The following AFF3 variants were observed in gnomAD, a reference collection of about 807,000 sequenced individuals.
AFF3 encodes the protein ALF transcription elongation factor 3.
In AFF3, 32 loss-of-function variants were observed where a neutral mutation model predicts 129.7. That is an observed-to-expected ratio of 0.25 (90% CI 0.19 to 0.33). The LOEUF (loss-of-function observed/expected upper bound fraction) is 0.33, where lower values mean the gene tolerates loss of function less well. Ranked by LOEUF, AFF3 falls within the 10% of genes least tolerant of loss-of-function variation. The pLI is 1.00. For missense variants in AFF3, 1,373 were observed against 1,592.0 expected (o/e 0.86, Z 2.34); for synonymous variants, 644 against 635.4 (o/e 1.01, Z -0.20).
intron 12 of AFF3, among the ~76,000 whole-genome samples, chr2:99,655,485 G>A (rs115802778): frequency 0.011 from 1,691 of 152,288 alleles, 40 homozygotes; most frequent in African/African-American, 0.039. Flanking sequence ...TGGGAGCAAA[G>A]GCCAGGAGCT....
chr2:99,647,767 A>G (rs10514777), intron 13 of AFF3, among the ~76,000 whole-genome samples: 22,536 of 152,266 alleles, frequency 0.15, 2,089 homozygotes, highest in South Asian at 0.25. Flanking sequence ...TCTGAATAGA[A>G]AAAGTGCTAC....
intron 22 of AFF3, among the ~76,000 whole-genome samples, chr2:99,555,209 CCTTA>C (rs1262546982): frequency 6.6e-6 from 1 of 151,984 alleles, no homozygotes; most frequent in Non-Finnish European, 1.5e-5. Context: ...CTTGAAGCAG[CCTTA>C]CTTTTTCATT....
chr2:99,627,472 A>G (rs939323636), intron 13 of AFF3, among the ~76,000 whole-genome samples: 1 of 152,184 alleles, frequency 6.6e-6, no homozygotes, highest in African/African-American at 2.4e-5. Context: ...GCTGGATATT[A>G]GAGCTTTGTC....
chr2:99,925,511 T>C (rs1377545385), intron 7 of AFF3, among the ~76,000 whole-genome samples: 3 of 152,206 alleles, frequency 2.0e-5, no homozygotes, highest in African/African-American at 7.2e-5. Context: ...CATGGCACAG[T>C]GCCTGGCACA....
Position 99,881,310 on chromosome 2 carries a change from T to C in AFF3, c.874-43786A>G, listed in dbSNP as rs189371589. The stretch of plus-strand genomic sequence containing the variant: ...CAGAGATTGTCTTTTGTTCAGGAAG[T>C]ATATTTTATTCTCCTGCCTCATCAT... On this transcript the variant is annotated intron_variant, in intron 7 of 24. Coordinates refer to ENST00000672756, the MANE Select transcript of AFF3 (RefSeq NM_001386135.1). 2.2e-3 allele frequency among the ~76,000 whole-genome samples: 340 copies of C among 152,144 alleles called. 2 individuals are homozygous for C. Among genetic ancestry groups the C allele is most frequent in the Admixed American group, 0.012 (183 of 15,276 alleles).
intron 13 of AFF3, among the ~76,000 whole-genome samples, chr2:99,649,385 T>G (rs1242495640): frequency 2.0e-5 from 3 of 152,168 alleles, no homozygotes; most frequent in Non-Finnish European, 4.4e-5. Context: ...CTCTCTAAGT[T>G]TCTTGTCTCT....
intron 7 of AFF3, among the ~76,000 whole-genome samples, chr2:99,995,831 A>T (rs1036235645): frequency 2.6e-5 from 4 of 152,362 alleles, no homozygotes; most frequent in Non-Finnish European, 5.9e-5. Flanking sequence ...ATTAGGAAAG[A>T]TTGATTTTCT....
At chr2:99,881,249 C>A (rs1397293899) in intron 7 of AFF3, among the ~76,000 whole-genome samples, 1 of 152,054 alleles carries the variant, frequency 6.6e-6, no homozygotes, top group Non-Finnish European at 1.5e-5. Context: ...CCACTTCTGA[C>A]AAATGTAAGT....
rs1688561688 is a variant in AFF3 at position 100,075,997 on chromosome 2, T to C, written c.53+28405A>G. ...AGTGTCTCTCTGCCATTCCAGGTAG[T>C]GTTAAATCTGGTTTGTGGACAGGTT... On this transcript the variant is annotated intron_variant, in intron 4 of 24. Transcript: ENST00000672756. Among the ~76,000 whole-genome samples the C allele has an allele frequency of 3.3e-5, 5 of 152,222 alleles. No homozygotes were observed. In the South Asian group the frequency reaches 1.0e-3, roughly 32 times the overall value.
intron 13 of AFF3, among the ~76,000 whole-genome samples, chr2:99,636,394 T>C (rs984208260): frequency 6.6e-6 from 1 of 151,922 alleles, no homozygotes; most frequent in African/African-American, 2.4e-5. Context: ...GTCTGTGAAA[T>C]AGAAAAAGGG....
At chr2:99,767,899 T>C (rs1011541060) in intron 8 of AFF3, among the ~76,000 whole-genome samples, 1 of 152,166 alleles carries the variant, frequency 6.6e-6, no homozygotes, top group African/African-American at 2.4e-5. Context: ...GAGCTGAGAT[T>C]GCGCCATTGC....
Position 99,910,782 on chromosome 2 carries a change from C to T in AFF3, c.874-73258G>A, listed in dbSNP as rs10193926. 2.5e-3 allele frequency among the ~76,000 whole-genome samples: 386 copies of T among 152,346 alleles called. 2 individuals are homozygous for T. Among genetic ancestry groups the T allele is most frequent in the African/African-American group, 8.9e-3 (372 of 41,582 alleles). The stretch of plus-strand genomic sequence containing the variant: ...GAATTTTAACAAGTCACCTTACATT[C>T]TTTTCTAAAGAAGGACATAAGAATA... On this transcript the variant is annotated intron_variant, in intron 7 of 24. Transcript: ENST00000672756.
At chr2:99,552,005 G>A (rs1674455650) in intron 24 of AFF3, among the ~76,000 whole-genome samples, 1 of 152,144 alleles carries the variant, frequency 6.6e-6, no homozygotes, top group African/African-American at 2.4e-5. Context: ...AGGTTCCTGG[G>A]GGCAAATCAG....
chr2:99,966,689 CAAAAAAAAAAAAAAAAAAAAAAAAA>C (rs61351679), intron 7 of AFF3, among the ~76,000 whole-genome samples: 1 of 36,684 alleles, frequency 2.7e-5, no homozygotes, highest in African/African-American at 7.2e-5. Flanking sequence ...GACTCCGTCT[CAAAAAAAAAAAAAAAAAAAAAAAAA>C]AAAAAAAAGA....
chr2:100,040,602 C>T (rs62149341), intron 4 of AFF3, among the ~76,000 whole-genome samples: 15,253 of 152,168 alleles, frequency 0.1, 1,080 homozygotes, highest in Non-Finnish European at 0.14. Context: ...GTTGAAGGAG[C>T]GACCAGGGCT....
At chr2:99,692,859 T>A (rs1675816282) in intron 11 of AFF3, among the ~76,000 whole-genome samples, 1 of 152,248 alleles carries the variant, frequency 6.6e-6, no homozygotes. Flanking sequence ...AGTCTTAAGC[T>A]GTATCAGCTT....
rs74906728 is a variant in AFF3, at chr2:99,549,186, C to T, written c.*2288G>A. On this transcript the variant is annotated 3_prime_UTR_variant, in exon 25 of 25. Transcript: ENST00000672756. ...GTTTGAATATTTCATCAGGATTCTT[C>T]AAGAGTAGGTAGAACAAAGCCTCAG... 0.013 allele frequency: 2,734 copies of T among 216,370 alleles called. 23 individuals are homozygous for T. The highest frequency in any genetic ancestry group is 0.02 in the Non-Finnish European group (2,184 of 107,390). The allele number at this position is 216,370 out of a possible 1,614,324, so 13.4% of individuals were successfully genotyped here.
intron 8 of AFF3, among the ~76,000 whole-genome samples, chr2:99,836,776 G>A (rs1281612435): frequency 6.6e-6 from 1 of 151,816 alleles, no homozygotes; most frequent in Non-Finnish European, 1.5e-5. Flanking sequence ...GCCCAGTGTA[G>A]TATCAGCTTT....
intron 5 of AFF3, 165 bp from the exon 6 acceptor site, chr2:100,007,625 C>T: frequency 3.0e-6 from 2 of 665,928 alleles, no homozygotes; most frequent in East Asian, 5.3e-5. Context: ...TCTGTCAGCA[C>T]TTGGTGATGC....
Sources: allele counts gnomAD v4.1 joint callset (sites outside exome capture counted in the v4.1 genomes callset), GRCh38; gene constraint gnomAD v4.1.1; transcripts MANE v1.5; gene names NCBI Gene and HGNC (gene_info 2026-07-23, HGNC 2026-07-21).